The following ZNF430 variants were observed in gnomAD, a reference collection of about 807,000 sequenced individuals.
The protein encoded by ZNF430 is zinc finger protein 430.
ZNF430 carries 35 observed loss-of-function variants against 56.7 expected under a neutral mutation model. The ratio of observed to expected loss-of-function variants is 0.62; its 90% confidence interval spans 0.47 to 0.82. ZNF430 has a LOEUF of 0.82. Ranked by LOEUF, ZNF430 falls within the 40% of genes least tolerant of loss-of-function variation. The pLI is 0.00. For synonymous variants in ZNF430, 212 were observed against 224.3 expected, an observed-to-expected ratio of 0.94 and a Z score of 0.49; for missense variants, 574 against 661.0, an observed-to-expected ratio of 0.87 and a Z score of 1.44.
At chr19:21,033,379 A>T in intron 2 of ZNF430, 77 bp from the exon 3 acceptor site, 1 of 1,511,860 alleles carries the variant, frequency 6.6e-7, no homozygotes, top group Admixed American at 2.2e-5. Flanking sequence ...CTGTCATTTC[A>T]CTTTAATTCA....
intron 1 of ZNF430, among the ~76,000 whole-genome samples, chr19:21,021,010 C>G (rs1974287844): frequency 6.6e-6 from 1 of 152,196 alleles, no homozygotes; most frequent in Non-Finnish European, 1.5e-5. Context: ...CTCTTCCTTG[C>G]GCAGTGACTG....
chr19:21,020,928 C>G (rs1974286287), intron 1 of ZNF430, 125 bp downstream of exon 1: 1 of 1,361,746 alleles, frequency 7.3e-7, no homozygotes, highest in Admixed American at 1.7e-5. Flanking sequence ...GAGTTCTTGC[C>G]CAGCTGGGCC....
At chr19:21,024,269 T>A (rs770087458) in intron 2 of ZNF430, among the ~76,000 whole-genome samples, 1 of 152,134 alleles carries the variant, frequency 6.6e-6, no homozygotes, top group Non-Finnish European at 1.5e-5. Flanking sequence ...AAGGTTAAGA[T>A]GGTAGGAGAT....
Position 21,055,566 on chromosome 19 carries a change from A to G in ZNF430, c.323-1065A>G, listed in dbSNP as rs188518769. On this transcript the variant is annotated intron_variant, in intron 4 of 4. Transcript: ENST00000261560. Reference sequence around the variant, plus strand: ...TGGGTTCAAGTGATTCTCCTGCCTCAGCCTCCCAAGTAGCTGGGAATACAG... The same window carrying G: ...TGGGTTCAAGTGATTCTCCTGCCTCGGCCTCCCAAGTAGCTGGGAATACAG... Among the ~76,000 whole-genome samples, 3 of 152,078 alleles carry G rather than the reference A, an allele frequency of 2.0e-5. No homozygotes were observed. The East Asian group carries it at 5.8e-4, about 29-fold the overall frequency.
intron 2 of ZNF430, among the ~76,000 whole-genome samples, chr19:21,032,704 G>T (rs902870394): frequency 1.3e-5 from 2 of 151,776 alleles, no homozygotes; most frequent in African/African-American, 4.8e-5. Context: ...TCCAGCCTGG[G>T]CAACAACAGC....
At chr19:21,026,704 A>G (rs1390167575) in intron 2 of ZNF430, among the ~76,000 whole-genome samples, 3 of 151,774 alleles carry the variant, frequency 2.0e-5, no homozygotes, top group East Asian at 1.9e-4. Context: ...AAAGTTGTTT[A>G]TTAGTTTAAA....
At chr19:21,033,767 C>A in intron 3 of ZNF430, 185 bp downstream of exon 3, 2 of 703,248 alleles carry the variant, frequency 2.8e-6, no homozygotes, top group Non-Finnish European at 4.3e-6. Flanking sequence ...TTGACTTAAA[C>A]TTTCCACATT....
At position 21,057,993 on chromosome 19, in the gene ZNF430, C is replaced by G; in HGVS notation, c.1685C>G (p.Ser562Ter). Residue 562 changes from serine (S) to a stop codon, truncating the protein, a stop_gained, in exon 5 of 5, where the codon TCA (serine) becomes TGA (stop). Coordinates refer to ENST00000261560, the MANE Select transcript of ZNF430 (RefSeq NM_025189.4). LOFTEE classifies it high-confidence loss of function. ...QSSNLIEQSN[S>*]YWRETLQM ...TCAAACCTTATTGAACAAAGTAATT[C>G]ATACTGGAGAGAAACCCTACAAATG... 6.2e-7 allele frequency: 1 copy of G among 1,612,424 alleles called. No homozygotes were observed. Among genetic ancestry groups the G allele is most frequent in the Non-Finnish European group, 8.5e-7 (1 of 1,179,380 alleles).
chr19:21,020,762 TCTACAGCTAAGA>T lies in ZNF430; in HGVS notation c.-37_-26del. On this transcript the variant is annotated 5_prime_UTR_variant, in exon 1 of 5. Coordinates refer to ENST00000261560, the MANE Select transcript of ZNF430 (RefSeq NM_025189.4). ...CCTGTGACCCGCAGGTATTGGGAGA[TCTACAGCTAAGA>T]CGCCAGGAACCCCTGGAAGCCTAGA... is the stretch of plus-strand genomic sequence containing the variant. 1 of 1,613,174 alleles carries T rather than the reference TCTACAGCTAAGA, an allele frequency of 6.2e-7. No homozygotes were observed. Among genetic ancestry groups the T allele is most frequent in the Non-Finnish European group, 8.5e-7 (1 of 1,179,508 alleles).
intron 4 of ZNF430, chr19:21,036,442 A>G (rs990826252): frequency 1.1e-4 from 17 of 152,244 alleles, no homozygotes; most frequent in African/African-American, 4.1e-4. Flanking sequence ...GAAAAGATTT[A>G]TAAATCTGTA....
rs964550938 is a variant in ZNF430 at position 21,055,439 on chromosome 19, T to A, written c.323-1192T>A. Among the ~76,000 whole-genome samples the A allele has an allele frequency of 7.5e-4, 113 of 150,322 alleles. 1 individual carries two copies. Among genetic ancestry groups the A allele is most frequent in the African/African-American group, 2.6e-3 (109 of 41,202 alleles). On this transcript the variant is annotated intron_variant, in intron 4 of 4. Transcript: ENST00000261560. ...TTGTGTTTCTTCTTTTTTTAGTTTT[T>A]TTTTTTGTTTGTTTTTTGTTTTTTT...
rs1170749849 is a variant in ZNF430, at chr19:21,058,815, A to G, written c.*794A>G. On this transcript the variant is annotated 3_prime_UTR_variant, in exon 5 of 5. Coordinates refer to ENST00000261560, the MANE Select transcript of ZNF430 (RefSeq NM_025189.4). ...AGAGTTCATACTTAATAAAAGGAAT[A>G]TAAGTGCAATTACTGTCAAAAGATC... is the stretch of plus-strand genomic sequence containing the variant. 3 of 152,270 alleles carry G rather than the reference A, an allele frequency of 2.0e-5. No individual in the cohort carries two copies. Among genetic ancestry groups the G allele is most frequent in the East Asian group, 1.9e-4 (1 of 5,206 alleles). 9.4% of individuals were successfully genotyped at this position (152,270 alleles called of 1,614,324 possible). A position where few individuals can be genotyped will look rare whatever the true frequency, so the allele number is the denominator to read the frequency against.
At chr19:21,049,747 T>TGTTAC (rs1568591407) in intron 4 of ZNF430, among the ~76,000 whole-genome samples, 2 of 152,360 alleles carry the variant, frequency 1.3e-5, no homozygotes, top group East Asian at 1.9e-4. Context: ...TAACATTTCT[T>TGTTAC]ATAGTGAACA....
In ZNF430 at chr19:21,056,666, G is replaced by A; in HGVS notation, c.358G>A (p.Glu120Lys). The part of the protein sequence containing the change: ...YSHFAQDLWP[E>K]QGIKDSFQEV... The stretch of plus-strand genomic sequence containing the variant: ...TCATTTTGCCCAAGACCTTTGGCCA[G>A]AGCAGGGCATAAAAGATTCTTTCCA... Residue 120 changes from glutamate to lysine, a missense_variant, in exon 5 of 5, where the codon GAG becomes AAG. Coordinates refer to ENST00000261560, the MANE Select transcript of ZNF430 (RefSeq NM_025189.4). 3.2e-6 allele frequency: 5 copies of A among 1,572,956 alleles called. No homozygotes were observed. The highest frequency in any genetic ancestry group is 4.3e-6 in the Non-Finnish European group (5 of 1,160,112).
intron 4 of ZNF430, among the ~76,000 whole-genome samples, chr19:21,039,122 G>A (rs11085426): frequency 0.52 from 78,860 of 151,886 alleles, 23,788 homozygotes; most frequent in East Asian, 0.74. Context: ...GCTAACTTTT[G>A]TATTTTTAGT....
chr19:21,042,700 A>G (rs371643001), intron 4 of ZNF430, among the ~76,000 whole-genome samples: 1 of 152,094 alleles, frequency 6.6e-6, no homozygotes, highest in African/African-American at 2.4e-5. Context: ...AGGTAGGAGA[A>G]TGGCGTGAAC....
At chr19:21,054,434 AT>A (rs1349290021) in intron 4 of ZNF430, among the ~76,000 whole-genome samples, 1 of 150,678 alleles carries the variant, frequency 6.6e-6, no homozygotes, top group African/African-American at 2.4e-5. Flanking sequence ...CTTGATAGCT[AT>A]TTTTTTCAGG....
chr19:21,058,446 G>GA lies in ZNF430; in HGVS notation c.*439dup, dbSNP rs35595597. The GA allele has an allele frequency of 9.3e-3, 1,134 of 121,644 alleles. 8 individuals carry two copies. The highest frequency in any genetic ancestry group is 0.019 in the African/African-American group (644 of 34,298). The allele number at this position is 121,644 out of a possible 1,614,324, so 7.5% of individuals were successfully genotyped here. A position where few individuals can be genotyped will look rare whatever the true frequency, so the allele number is the denominator to read the frequency against. The stretch of plus-strand genomic sequence containing the variant: ...GCAACAAGAGTGGCACTCCATCTCA[G>GA]AAAAAAAAAAAAAAGATAATTCATA... On this transcript the variant is annotated 3_prime_UTR_variant, in exon 5 of 5. Coordinates refer to ENST00000261560, the MANE Select transcript of ZNF430 (RefSeq NM_025189.4).
chr19:21,020,781 G>C lies in ZNF430; in HGVS notation c.-20G>C, dbSNP rs369128066. The C allele has an allele frequency of 9.9e-6, 16 of 1,613,686 alleles. No homozygotes were observed. The African/African-American group carries it at 2.0e-4, about 20-fold the overall frequency. On this transcript the variant is annotated 5_prime_UTR_variant, in exon 1 of 5. Transcript: ENST00000261560. ...GGGAGATCTACAGCTAAGACGCCAG[G>C]AACCCCTGGAAGCCTAGAAATGGTG...
Sources: gnomAD v4.1 joint callset for allele counts (sites outside exome capture counted in the v4.1 genomes callset) on GRCh38, gnomAD v4.1.1 for gene constraint, MANE v1.5 for transcripts, NCBI Gene and HGNC (gene_info 2026-07-23, HGNC 2026-07-21) for gene names.